Variants in CHCHD6 observed in about 807,000 individuals in gnomAD.
CHCHD6 encodes coiled-coil-helix-coiled-coil-helix domain containing 6.
CHCHD6 carries 28 observed loss-of-function variants against 32.3 expected under a neutral mutation model. The observed-to-expected ratio is 0.87, with a 90% CI of 0.64 to 1.19. The LOEUF (loss-of-function observed/expected upper bound fraction) is 1.19. CHCHD6 is among the 50% of genes most tolerant of loss of function. CHCHD6 has a pLI of 0.00. For synonymous variants in CHCHD6, 122 were observed against 117.5 expected (o/e 1.04, Z -0.25); for missense variants, 333 against 307.0 (o/e 1.08, Z -0.63).
At chr3:126,947,097 T>G (rs973955900) in intron 6 of CHCHD6, among the ~76,000 whole-genome samples, 6 of 152,262 alleles carry the variant, frequency 3.9e-5, no homozygotes, top group Non-Finnish European at 8.8e-5. Context: ...CGAATCCCTC[T>G]TCTTGCCCAC....
intron 4 of CHCHD6, among the ~76,000 whole-genome samples, chr3:126,833,474 C>T (rs1421077526): frequency 1.3e-5 from 2 of 152,204 alleles, no homozygotes; most frequent in African/African-American, 4.8e-5. Context: ...TTGTTAGAAT[C>T]ATTCACACAG....
rs537535047 is a variant in CHCHD6, at chr3:126,805,557, C to G, written c.412-47090C>G. On this transcript the variant is annotated intron_variant, in intron 4 of 7. Transcript: ENST00000290913. ...CTGCTCAAGGAAATAAAAGAGGATACAAACAAATGGAAGAACATTCCATGC... is the reference window on the plus strand; with the variant it reads ...CTGCTCAAGGAAATAAAAGAGGATAGAAACAAATGGAAGAACATTCCATGC... 8.5e-5 allele frequency among the ~76,000 whole-genome samples: 13 copies of G among 152,150 alleles called. No individual in the cohort carries two copies. The South Asian group carries it at 2.5e-3, about 29-fold the overall frequency.
chr3:126,768,422 C>G (rs769939838), intron 4 of CHCHD6, among the ~76,000 whole-genome samples: 1 of 152,248 alleles, frequency 6.6e-6, no homozygotes, highest in East Asian at 1.9e-4. Context: ...TTCTTGTGTA[C>G]CTTTTCATCC....
chr3:126,766,922 C>T (rs1283564867), intron 4 of CHCHD6: 8 of 1,042,628 alleles, frequency 7.7e-6, no homozygotes, highest in Non-Finnish European at 1.2e-5. Context: ...CGGCCATAGC[C>T]ACTGAAGCCC....
chr3:126,771,330 G>A (rs2107676950), intron 4 of CHCHD6, among the ~76,000 whole-genome samples: 1 of 151,240 alleles, frequency 6.6e-6, no homozygotes, highest in Non-Finnish European at 1.5e-5. Flanking sequence ...TCAGCCTCCT[G>A]AGTAGCTGGG....
intron 6 of CHCHD6, among the ~76,000 whole-genome samples, chr3:126,939,444 T>C (rs1017006891): frequency 1.8e-4 from 27 of 152,266 alleles, no homozygotes; most frequent in African/African-American, 6.5e-4. Context: ...TTCATGCGCA[T>C]TTCAGCCTAT....
intron 5 of CHCHD6, among the ~76,000 whole-genome samples, chr3:126,909,972 A>G (rs887580226): frequency 6.6e-6 from 1 of 152,198 alleles, no homozygotes; most frequent in African/African-American, 2.4e-5. Context: ...AGCTGCCAGA[A>G]TGTTCTTTTA....
At chr3:126,860,756 T>C (rs1216008026) in intron 5 of CHCHD6, among the ~76,000 whole-genome samples, 1 of 152,178 alleles carries the variant, frequency 6.6e-6, no homozygotes, top group Non-Finnish European at 1.5e-5. Flanking sequence ...AGCATATTGC[T>C]TAGAGATTGA....
At chr3:126,822,703 T>TAAGTA (rs1475718731) in intron 4 of CHCHD6, among the ~76,000 whole-genome samples, 1 of 147,724 alleles carries the variant, frequency 6.8e-6, no homozygotes, top group Non-Finnish European at 1.5e-5. Context: ...AAATTTTATA[T>TAAGTA]AAGTATTAGG....
chr3:126,811,778 C>G (rs1177945799), intron 4 of CHCHD6, among the ~76,000 whole-genome samples: 2 of 152,176 alleles, frequency 1.3e-5, no homozygotes, highest in Non-Finnish European at 2.9e-5. Context: ...CTCAAAGGGA[C>G]TTTATCTCAT....
chr3:126,733,047 A>G (rs1411695764), intron 3 of CHCHD6, 31 bp from the exon 4 acceptor site: 2 of 1,610,568 alleles, frequency 1.2e-6, no homozygotes, highest in Non-Finnish European at 1.7e-6. Flanking sequence ...TGCCATCCAC[A>G]TCTGTTTCTC....
At chr3:126,868,115 A>G (rs909621358) in intron 5 of CHCHD6, among the ~76,000 whole-genome samples, 1 of 152,132 alleles carries the variant, frequency 6.6e-6, no homozygotes, top group African/African-American at 2.4e-5. Flanking sequence ...ACCACTTCCC[A>G]TTGCCCCTTC....
chr3:126,705,447 C>G (rs1934438707), intron 1 of CHCHD6, among the ~76,000 whole-genome samples: 1 of 152,108 alleles, frequency 6.6e-6, no homozygotes. Context: ...TTTCAACAGC[C>G]CTATTTAGCC....
chr3:126,739,344 T>TTTGTTGTTGTTG (rs60465053), intron 4 of CHCHD6, among the ~76,000 whole-genome samples: 2 of 151,878 alleles, frequency 1.3e-5, no homozygotes, highest in African/African-American at 4.8e-5. Flanking sequence ...CCACATATTC[T>TTTGTTGTTGTTG]TTGTTGTTGT....
chr3:126,823,812 C>T lies in CHCHD6; in HGVS notation c.412-28835C>T, dbSNP rs539304785. 4.6e-4 allele frequency among the ~76,000 whole-genome samples: 70 copies of T among 152,068 alleles called. 1 individual carries two copies. The South Asian group carries it at 0.014, about 29-fold the overall frequency. ...CTATAATCCCAGCACTTTCAGAGGC[C>T]GAGGCAGGAGGATTGCTTGAGCCCA... On this transcript the variant is annotated intron_variant, in intron 4 of 7. Coordinates refer to ENST00000290913, the MANE Select transcript of CHCHD6 (RefSeq NM_032343.3).
At chr3:126,911,908 C>T (rs1230954597) in intron 5 of CHCHD6, among the ~76,000 whole-genome samples, 1 of 152,172 alleles carries the variant, frequency 6.6e-6, no homozygotes, top group Non-Finnish European at 1.5e-5. Flanking sequence ...GTGGGCACAA[C>T]CACAGGAAGA....
At chr3:126,766,801 A>G in intron 4 of CHCHD6, 1 of 1,036,154 alleles carries the variant, frequency 9.7e-7, no homozygotes, top group South Asian at 1.3e-5. Flanking sequence ...CACTTCACTG[A>G]TGGCAAAGGA....
intron 4 of CHCHD6, among the ~76,000 whole-genome samples, chr3:126,824,575 A>AAAAAAAAAAAAAAAAAAAAG (rs1451157393): frequency 6.7e-6 from 1 of 149,234 alleles, no homozygotes; most frequent in African/African-American, 2.5e-5. Flanking sequence ...AAAAAAAAAA[A>AAAAAAAAAAAAAAAAAAAAG]AAAAAAGTCA....
chr3:126,785,151 G>A (rs1312136067), intron 4 of CHCHD6, among the ~76,000 whole-genome samples: 1 of 152,122 alleles, frequency 6.6e-6, no homozygotes, highest in African/African-American at 2.4e-5. Flanking sequence ...TGGGTTGGAT[G>A]CTTCTTTGTT....
Sources: gnomAD v4.1 joint callset for allele counts (sites outside exome capture counted in the v4.1 genomes callset) on GRCh38, gnomAD v4.1.1 for gene constraint, MANE v1.5 for transcripts, NCBI Gene and HGNC (gene_info 2026-07-23, HGNC 2026-07-21) for gene names.